The following PLXDC1 variants were observed in gnomAD, a reference collection of about 807,000 sequenced individuals.
PLXDC1 encodes the protein plexin domain-containing protein 1.
A neutral mutation model predicts 61.3 loss-of-function variants in PLXDC1; 39 were observed. That is an observed-to-expected ratio of 0.64 (90% CI 0.49 to 0.83). PLXDC1 has a LOEUF of 0.83. Among genes scored for constraint, PLXDC1 ranks in the 40% least tolerant of loss-of-function variants. The pLI, the probability that PLXDC1 is intolerant of heterozygous loss-of-function variation, is 0.00. For synonymous variants in PLXDC1, 212 were observed against 254.5 expected, an observed-to-expected ratio of 0.83 and a Z score of 1.59; for missense variants, 596 against 666.5, an observed-to-expected ratio of 0.89 and a Z score of 1.17.
At chr17:39,146,187 C>T (rs1219720983) in intron 1 of PLXDC1, among the ~76,000 whole-genome samples, 3 of 151,798 alleles carry the variant, frequency 2.0e-5, no homozygotes, top group African/African-American at 7.3e-5. Flanking sequence ...TCTCCTGCCT[C>T]ACCATCCCAA....
chr17:39,129,789 G>GAGAA (rs1296349431), intron 2 of PLXDC1, among the ~76,000 whole-genome samples: 264 of 130,878 alleles, frequency 2.0e-3, no homozygotes, highest in African/African-American at 6.1e-3. Context: ...AAGAAAGAAA[G>GAGAA]AGAAAGAAAG....
Position 39,063,719 on chromosome 17 carries a change from C to T in PLXDC1, c.*4121G>A. On this transcript the variant is annotated 3_prime_UTR_variant, in exon 14 of 14. Coordinates refer to ENST00000315392, the MANE Select transcript of PLXDC1 (RefSeq NM_020405.5). ...TTTAGAAGGCTGGGTGCCCTCAGTCCCCAGATCTTTGAATTCTACCATTAA... is the reference window on the plus strand; with the variant it reads ...TTTAGAAGGCTGGGTGCCCTCAGTCTCCAGATCTTTGAATTCTACCATTAA... 1 of 511,642 alleles carries T rather than the reference C, an allele frequency of 2.0e-6. No homozygotes were observed. Among genetic ancestry groups the T allele is most frequent in the East Asian group, 3.4e-5 (1 of 29,762 alleles). The allele number at this position is 511,642 out of a possible 1,614,324, so 31.7% of individuals were successfully genotyped here.
Position 39,150,835 on chromosome 17 carries a change from G to T in PLXDC1, c.76+527C>A, listed in dbSNP as rs537498972. On this transcript the variant is annotated intron_variant, in intron 1 of 13. Coordinates refer to ENST00000315392, the MANE Select transcript of PLXDC1 (RefSeq NM_020405.5). ...CTGCCTCTCTACTGACACCAAATAG[G>T]CAAGGGAAGGTGACCGAATGGCTGC... is the stretch of plus-strand genomic sequence containing the variant. Among the ~76,000 whole-genome samples, 9 of 152,308 alleles carry T rather than the reference G, an allele frequency of 5.9e-5. No individual in the cohort carries two copies. The East Asian group carries it at 1.7e-3, about 29-fold the overall frequency.
chr17:39,105,612 G>C (rs1435718893), intron 7 of PLXDC1, among the ~76,000 whole-genome samples: 1 of 152,136 alleles, frequency 6.6e-6, no homozygotes, highest in Non-Finnish European at 1.5e-5. Context: ...AAGGGCTGTG[G>C]CTCCCTTTCA....
At chr17:39,126,291 G>T (rs1911309710) in intron 2 of PLXDC1, among the ~76,000 whole-genome samples, 1 of 152,006 alleles carries the variant, frequency 6.6e-6, no homozygotes, top group African/African-American at 2.4e-5. Context: ...AAACAAAAAA[G>T]AGTGTGCATG....
chr17:39,064,533 A>G lies in PLXDC1; in HGVS notation c.*3307T>C, dbSNP rs1908822969. The G allele has an allele frequency of 2.0e-5, 3 of 152,344 alleles. No individual in the cohort carries two copies. The South Asian group carries it at 6.2e-4, about 32-fold the overall frequency. 9.4% of individuals were successfully genotyped at this position (152,344 alleles called of 1,614,324 possible). A position where few individuals can be genotyped will look rare whatever the true frequency, so the allele number is the denominator to read the frequency against. ...GTTAGATCACAGCCTCTTCTTAGTCATACCCATTTATACATGTCATGAGGG... is the reference window on the plus strand; with the variant it reads ...GTTAGATCACAGCCTCTTCTTAGTCGTACCCATTTATACATGTCATGAGGG... On this transcript the variant is annotated 3_prime_UTR_variant, in exon 14 of 14. Coordinates refer to ENST00000315392, the MANE Select transcript of PLXDC1 (RefSeq NM_020405.5).
rs566807659 is a variant in PLXDC1 at position 39,092,882 on chromosome 17, A to G, written c.812-5180T>C. On this transcript the variant is annotated intron_variant, in intron 7 of 13. Coordinates refer to ENST00000315392, the MANE Select transcript of PLXDC1 (RefSeq NM_020405.5). ...TGTTGCCAATTTCTGTGGTGTAAAT[A>G]CTTCCACGGTAGCTGACTTCCAGCT... Among the ~76,000 whole-genome samples, 203 of 152,216 alleles carry G rather than the reference A, an allele frequency of 1.3e-3. 2 individuals are homozygous for G. The highest frequency in any genetic ancestry group is 4.7e-3 in the African/African-American group (196 of 41,528).
chr17:39,105,953 T>A lies in PLXDC1; in HGVS notation c.712A>T (p.Ile238Phe), dbSNP rs752973484. 6.2e-7 allele frequency: 1 copy of A among 1,611,564 alleles called. No homozygotes were observed. The highest frequency in any genetic ancestry group is 2.2e-5 in the East Asian group (1 of 44,842). Residue 238 changes from isoleucine to phenylalanine, a missense_variant and splice_region_variant, in exon 7 of 14, where the codon ATC (isoleucine) becomes TTC (phenylalanine). Transcript: ENST00000315392. ...CTGATTTCCGGGACAGACATAGGGATCTGCGGCAGGGAGAAGAGACTCCGT... is the reference window on the plus strand; with the variant it reads ...CTGATTTCCGGGACAGACATAGGGAACTGCGGCAGGGAGAAGAGACTCCGT... ...DGRIVFAYKE[I>F]PMSVPEISSS...
chr17:39,107,241 C>T (rs1019239833), intron 6 of PLXDC1, among the ~76,000 whole-genome samples, 166 bp downstream of exon 6: 41 of 152,192 alleles, frequency 2.7e-4, no homozygotes, highest in African/African-American at 8.0e-4. Context: ...TGTCCACCTC[C>T]GCAACCAGAC....
Position 39,128,117 on chromosome 17 carries a change from A to ATATATATATATATG in PLXDC1, c.255+11536_255+11537insCATATATATATATA, listed in dbSNP as rs1419979117. On this transcript the variant is annotated intron_variant, in intron 2 of 13. Transcript: ENST00000315392. The stretch of plus-strand genomic sequence containing the variant: ...TATGTGTATATATATATATATATGT[A>ATATATATATATATG]TATATATATGTGTATATATATGTAT... 8.3e-4 allele frequency among the ~76,000 whole-genome samples: 80 copies of ATATATATATATATG among 96,396 alleles called. 3 individuals carry two copies. Among genetic ancestry groups the ATATATATATATATG allele is most frequent in the African/African-American group, 3.3e-3 (65 of 19,648 alleles). 63.2% of individuals were successfully genotyped at this position (96,396 alleles called of 152,430 possible).
rs1213836299 is a variant in PLXDC1, at chr17:39,079,093, A to G, written c.1050+11T>C. 3 of 1,611,446 alleles carry G rather than the reference A, an allele frequency of 1.9e-6. No homozygotes were observed. Among genetic ancestry groups the G allele is most frequent in the Admixed American group, 3.3e-5 (2 of 59,984 alleles). ...GGCACAGGAGTTGCAGCAGATACTT[A>G]TGCTTCTCACCTCCTGTGCACAGCC... is the stretch of plus-strand genomic sequence containing the variant. On this transcript the variant is annotated intron_variant, in intron 10 of 13. Transcript: ENST00000315392.
chr17:39,071,198 G>A (rs1909103620), intron 12 of PLXDC1, among the ~76,000 whole-genome samples: 1 of 152,156 alleles, frequency 6.6e-6, no homozygotes, highest in Non-Finnish European at 1.5e-5. Flanking sequence ...GAGAGGTTAA[G>A]TGATTTCCCC....
intron 4 of PLXDC1, 73 bp from the exon 5 acceptor site, chr17:39,108,318 G>A (rs1294575638): frequency 1.4e-6 from 2 of 1,479,326 alleles, no homozygotes; most frequent in African/African-American, 2.8e-5. Context: ...TTTTCCCCAA[G>A]GGCAAGAAGG....
intron 7 of PLXDC1, 62 bp from the exon 8 acceptor site, chr17:39,087,764 T>G (rs1909798611): frequency 4.5e-4 from 485 of 1,082,604 alleles, no homozygotes; most frequent in Non-Finnish European, 6.1e-4. Flanking sequence ...TCGAGGCCTC[T>G]TCCCGGACAG....
At position 39,093,133 on chromosome 17, in the gene PLXDC1, TCA is replaced by T. The variant is rs1306367444; in HGVS notation, c.812-5433_812-5432del. On this transcript the variant is annotated intron_variant, in intron 7 of 13. Coordinates refer to ENST00000315392, the MANE Select transcript of PLXDC1 (RefSeq NM_020405.5). ...GCCAGGCTGGAGTGCCGTGGTGCAA[TCA>T]CGGCTCACTGCAGCCTTGGCTTCGT... Among the ~76,000 whole-genome samples the T allele has an allele frequency of 5.3e-5, 8 of 152,340 alleles. No homozygotes were observed. In the East Asian group the frequency reaches 1.5e-3, roughly 29 times the overall value.
At chr17:39,084,051 A>G (rs539212176) in intron 8 of PLXDC1, among the ~76,000 whole-genome samples, 1 of 152,316 alleles carries the variant, frequency 6.6e-6, no homozygotes, top group South Asian at 2.1e-4. Context: ...AGATAATCAA[A>G]AATCACTACA....
intron 1 of PLXDC1, among the ~76,000 whole-genome samples, chr17:39,140,107 A>G (rs1054243599): frequency 6.6e-6 from 1 of 152,206 alleles, no homozygotes; most frequent in African/African-American, 2.4e-5. Context: ...TCAGAGGCTC[A>G]GAGGTTAAAA....
intron 8 of PLXDC1, among the ~76,000 whole-genome samples, chr17:39,086,878 A>AG (rs1555570676): frequency 2.1e-4 from 32 of 150,744 alleles, no homozygotes; most frequent in African/African-American, 2.9e-4. Flanking sequence ...AAAAAAAAAA[A>AG]AAGAAGAAGA....
chr17:39,108,732 G>A (rs559690330), intron 4 of PLXDC1, 172 bp downstream of exon 4: 2 of 621,584 alleles, frequency 3.2e-6, no homozygotes, highest in East Asian at 2.8e-5. Context: ...ATGCAAGGGA[G>A]ATGCTCTGAC....
Sources: gnomAD v4.1 joint callset for allele counts (sites outside exome capture counted in the v4.1 genomes callset) on GRCh38, gnomAD v4.1.1 for gene constraint, MANE v1.5 for transcripts, NCBI Gene and HGNC (gene_info 2026-07-23, HGNC 2026-07-21) for gene names.